Variants in RPS6KA2 observed in about 807,000 individuals in gnomAD.
RPS6KA2 encodes ribosomal protein S6 kinase A2.
In RPS6KA2, 42 loss-of-function variants were observed where a neutral mutation model predicts 91.8. That is an observed-to-expected ratio of 0.46 (90% CI 0.36 to 0.59). The LOEUF (loss-of-function observed/expected upper bound fraction) is 0.59. Ranked by LOEUF, RPS6KA2 falls within the 20% of genes least tolerant of loss-of-function variation. The probability of loss-of-function intolerance (pLI) is 0.00; values close to 1 mark genes in which losing one functional copy is unlikely to be tolerated. For synonymous variants in RPS6KA2, 414 were observed against 393.6 expected, an observed-to-expected ratio of 1.05 and a Z score of -0.61; for missense variants, 798 against 978.5, an observed-to-expected ratio of 0.82 and a Z score of 2.46.
rs138475642 is a variant in RPS6KA2 at position 166,699,113 on chromosome 6, A to AAGAGG, written c.123+159082_123+159086dup. 4.0e-3 allele frequency among the ~76,000 whole-genome samples: 609 copies of AAGAGG among 152,300 alleles called. 10 individuals are homozygous for AAGAGG. Among genetic ancestry groups the AAGAGG allele is most frequent in the South Asian group, 0.025 (120 of 4,824 alleles). On this transcript the variant is annotated intron_variant, in intron 2 of 21. Transcript: ENST00000503859. ...AACACAGGTGGAGTAGATGACAACT[A>AAGAGG]AGAGGAGAGGAGAGGCGGCATCATC... is the stretch of plus-strand genomic sequence containing the variant.
intron 2 of RPS6KA2, among the ~76,000 whole-genome samples, chr6:166,748,644 TTGGGCCCCCACCTCCTCAGGCCCCCATC>T (rs1791127878): frequency 1.6e-5 from 1 of 62,090 alleles, no homozygotes; most frequent in Non-Finnish European, 2.8e-5. Context: ...CCCCATCCCC[TTGGGCCCCCACCTCCTCAGGCCCCCATC>T]TCCTCGGTCC....
chr6:166,452,773 C>G (rs1235684484), intron 12 of RPS6KA2, among the ~76,000 whole-genome samples: 1 of 152,096 alleles, frequency 6.6e-6, no homozygotes. Flanking sequence ...AAACTGGACC[C>G]CTATGTCTCA....
intron 12 of RPS6KA2, among the ~76,000 whole-genome samples, chr6:166,453,708 CA>C (rs1779992622): frequency 6.6e-6 from 1 of 152,126 alleles, no homozygotes; most frequent in African/African-American, 2.4e-5. Context: ...GGGCATTGCC[CA>C]AAGGAAAAGA....
rs1779223071 is a variant in RPS6KA2, at chr6:166,434,196, G to A, written c.1333-1706C>T. ...TAGTGCCAGTTCTCACCCCATTATA[G>A]TTTCAAAGGATGCTCTGCCACGGCC... On this transcript the variant is annotated intron_variant, in intron 14 of 20. Coordinates refer to ENST00000265678, the MANE Select transcript of RPS6KA2 (RefSeq NM_021135.6). This position sits in a 1 kb window ranked among gnomAD's most constrained non-coding sequence, Gnocchi z 4.4. Among the ~76,000 whole-genome samples the A allele has an allele frequency of 6.6e-6, 1 of 152,194 alleles. No individual in the cohort carries two copies. The highest frequency in any genetic ancestry group is 6.5e-5 in the Admixed American group (1 of 15,268).
intron 3 of RPS6KA2, among the ~76,000 whole-genome samples, chr6:166,514,406 G>A (rs1782569981): frequency 6.6e-6 from 1 of 152,226 alleles, no homozygotes; most frequent in Non-Finnish European, 1.5e-5. Context: ...ACTGGAAACA[G>A]CCTGGGAGGT....
chr6:166,716,054 AAAAAAAAGAAG>A (rs1562398424), intron 2 of RPS6KA2, among the ~76,000 whole-genome samples: 4 of 31,676 alleles, frequency 1.3e-4, no homozygotes, highest in African/African-American at 1.9e-4. Flanking sequence ...AAAAAAAAAA[AAAAAAAAGAAG>A]GAAAGAAAGA....
intron 2 of RPS6KA2, among the ~76,000 whole-genome samples, chr6:166,814,050 C>T (rs562097730): frequency 3.3e-4 from 50 of 152,202 alleles, no homozygotes; most frequent in African/African-American, 1.0e-3. Flanking sequence ...ATTGTTGGTA[C>T]GCATACATTT....
chr6:166,543,912 G>A (rs1191679421), intron 1 of RPS6KA2, among the ~76,000 whole-genome samples: 1 of 152,226 alleles, frequency 6.6e-6, no homozygotes, highest in Non-Finnish European at 1.5e-5. Context: ...ACATTGGGAT[G>A]GAGCTCCTTA....
At chr6:166,608,427 T>G (rs1786033669) in intron 1 of RPS6KA2, among the ~76,000 whole-genome samples, 1 of 152,124 alleles carries the variant, frequency 6.6e-6, no homozygotes, top group Non-Finnish European at 1.5e-5. Context: ...TGACTCAAAA[T>G]TCTTACATCT....
intron 2 of RPS6KA2, among the ~76,000 whole-genome samples, chr6:166,719,198 C>T (rs754198395): frequency 7.2e-5 from 11 of 152,188 alleles, no homozygotes; most frequent in Non-Finnish European, 1.5e-4. Context: ...GTGAGCTCCT[C>T]TTATGTGCTT....
intron 12 of RPS6KA2, among the ~76,000 whole-genome samples, chr6:166,452,741 G>T (rs538782226): frequency 4.6e-5 from 7 of 152,256 alleles, no homozygotes; most frequent in African/African-American, 1.7e-4. Flanking sequence ...GGGAAAATTA[G>T]TTCGTCATAA....
intron 5 of RPS6KA2, among the ~76,000 whole-genome samples, chr6:166,505,754 C>G (rs572940748): frequency 6.8e-4 from 104 of 152,352 alleles, no homozygotes; most frequent in African/African-American, 2.4e-3. Flanking sequence ...CCACCGGCCC[C>G]CCGAGTCCCC....
chr6:166,656,506 A>G (rs1788006657), intron 2 of RPS6KA2, among the ~76,000 whole-genome samples: 1 of 152,196 alleles, frequency 6.6e-6, no homozygotes, highest in East Asian at 1.9e-4. Flanking sequence ...TGCCTCCTGA[A>G]TGAGGAACAG....
intron 12 of RPS6KA2, 95 bp from the exon 13 acceptor site, chr6:166,451,328 A>C (rs1779909266): frequency 8.3e-6 from 11 of 1,319,160 alleles, no homozygotes; most frequent in Non-Finnish European, 1.2e-5. Context: ...TGTGTGTGCA[A>C]GTCCGTGTGT....
chr6:166,769,350 C>G (rs529042567), intron 2 of RPS6KA2, among the ~76,000 whole-genome samples: 29 of 152,298 alleles, frequency 1.9e-4, no homozygotes, highest in Middle Eastern at 3.4e-3. Context: ...TACAGCTTGA[C>G]TCTTTTTTTC....
In RPS6KA2 at chr6:166,737,788, G is replaced by T. The variant is rs777200465; in HGVS notation, c.123+120412C>A. Among the ~76,000 whole-genome samples the T allele has an allele frequency of 6.6e-6, 1 of 152,058 alleles. No individual in the cohort carries two copies. Among genetic ancestry groups the T allele is most frequent in the Non-Finnish European group, 1.5e-5 (1 of 68,020 alleles). ...AAAATAGTATATTCCCTGTTTAGACGAACTCTAAATTAAACTCAAATCCCT... is the reference window on the plus strand; with the variant it reads ...AAAATAGTATATTCCCTGTTTAGACTAACTCTAAATTAAACTCAAATCCCT... On this transcript the variant is annotated intron_variant, in intron 2 of 21. Transcript: ENST00000503859. The surrounding 1 kb of genome is among the most constrained non-coding windows in gnomAD (Gnocchi z 4.3).
chr6:166,656,565 C>G (rs1284336470), intron 2 of RPS6KA2, among the ~76,000 whole-genome samples: 2 of 152,234 alleles, frequency 1.3e-5, no homozygotes, highest in African/African-American at 4.8e-5. Context: ...CAGGTGCTCC[C>G]GTGACTCTGC....
At chr6:166,775,589 G>A (rs1346594146) in intron 2 of RPS6KA2, among the ~76,000 whole-genome samples, 3 of 152,284 alleles carry the variant, frequency 2.0e-5, no homozygotes, top group Admixed American at 6.5e-5. Flanking sequence ...CTCTCCCTCC[G>A]CTGGTGCTCA....
chr6:166,555,053 G>A (rs1182923795), intron 1 of RPS6KA2, among the ~76,000 whole-genome samples: 1 of 152,220 alleles, frequency 6.6e-6, no homozygotes, highest in Non-Finnish European at 1.5e-5. Context: ...TGGGCTCAAA[G>A]ACACTGCAAT....
Sources: allele counts gnomAD v4.1 joint callset (sites outside exome capture counted in the v4.1 genomes callset), GRCh38; gene constraint gnomAD v4.1.1; non-coding constraint Gnocchi (gnomAD v3.1); transcripts MANE v1.5; gene names NCBI Gene and HGNC (gene_info 2026-07-23, HGNC 2026-07-21).